Variants in HTR4 observed in about 807,000 individuals in gnomAD.
HTR4 encodes the protein 5-hydroxytryptamine receptor 4, also known as 5-hydroxytryptamine (serotonin) receptor 4, G protein-coupled.
Under a neutral mutation model 36.8 loss-of-function variants are expected in HTR4, and 16 were observed. That is an observed-to-expected ratio of 0.43 (90% CI 0.29 to 0.66). The LOEUF is 0.66. HTR4 is among the 30% of genes least tolerant of loss of function. The pLI is 0.13. For synonymous variants in HTR4, 189 were observed against 185.1 expected (o/e 1.02, Z -0.17); for missense variants, 438 against 490.9 (o/e 0.89, Z 1.02).
At chr5:148,578,596 G>A (rs150433533) in intron 2 of HTR4, among the ~76,000 whole-genome samples, 19 of 152,146 alleles carry the variant, frequency 1.2e-4, no homozygotes, top group Admixed American at 5.9e-4. Context: ...TGAGGCAGAC[G>A]GTATAATCGC....
intron 4 of HTR4, among the ~76,000 whole-genome samples, chr5:148,534,533 G>A (rs151102387): frequency 1.3e-5 from 2 of 152,272 alleles, no homozygotes; most frequent in East Asian, 3.9e-4. Flanking sequence ...GACTCCAGGG[G>A]CAACTGAAAG....
intron 4 of HTR4, among the ~76,000 whole-genome samples, chr5:148,531,412 G>A (rs185095188): frequency 1.3e-5 from 2 of 152,268 alleles, no homozygotes; most frequent in South Asian, 2.1e-4. Context: ...CCCTGTACAA[G>A]CTCTCTTCTC....
At chr5:148,495,408 A>G (rs1756640741) in intron 6 of HTR4, among the ~76,000 whole-genome samples, 1 of 152,202 alleles carries the variant, frequency 6.6e-6, no homozygotes, top group Admixed American at 6.5e-5. Flanking sequence ...TTCTGCCCTC[A>G]GTTATCTGAA....
chr5:148,600,669 T>A (rs1182858297), intron 2 of HTR4, among the ~76,000 whole-genome samples: 2 of 151,590 alleles, frequency 1.3e-5, no homozygotes, highest in African/African-American at 4.8e-5. Flanking sequence ...ATTTAACCAG[T>A]GAGGCAAAAG....
At chr5:148,477,715 T>A (rs1755743634), downstream of HTR4, among the ~76,000 whole-genome samples, 1 of 152,338 alleles carries the variant, frequency 6.6e-6, no homozygotes, top group Non-Finnish European at 1.5e-5. Flanking sequence ...CCAAAGCTAC[T>A]GAATTATGAT....
At chr5:148,522,295 A>G (rs538185109) in intron 5 of HTR4, among the ~76,000 whole-genome samples, 5 of 152,266 alleles carry the variant, frequency 3.3e-5, no homozygotes, top group African/African-American at 9.6e-5. Flanking sequence ...TCAGCCTTAT[A>G]GACTCTCCAC....
intron 2 of HTR4, among the ~76,000 whole-genome samples, chr5:148,613,446 T>C (rs964829833): frequency 3.6e-4 from 55 of 152,082 alleles, no homozygotes; most frequent in Non-Finnish European, 7.4e-4. Flanking sequence ...ATTATCTCAA[T>C]AGATGCAGGA....
chr5:148,654,197 G>A lies in HTR4; in HGVS notation c.-183C>T. 1 of 985,346 alleles carries A rather than the reference G, an allele frequency of 1.0e-6. No homozygotes were observed. The highest frequency in any genetic ancestry group is 1.2e-6 in the Non-Finnish European group (1 of 829,904). 61.0% of individuals were successfully genotyped at this position (985,346 alleles called of 1,614,324 possible). On this transcript the variant is annotated 5_prime_UTR_variant, in exon 1 of 7. Coordinates refer to ENST00000377888, the MANE Select transcript of HTR4 (RefSeq NM_000870.7). ...CTGCGCCCTCCCTGCCGCCCCCTCGGGTGCGGGCTCCAGCCCCCGCGCTGG... is the reference window on the plus strand; with the variant it reads ...CTGCGCCCTCCCTGCCGCCCCCTCGAGTGCGGGCTCCAGCCCCCGCGCTGG...
intron 2 of HTR4, among the ~76,000 whole-genome samples, chr5:148,617,560 C>A (rs1752751040): frequency 6.6e-6 from 1 of 151,896 alleles, no homozygotes; most frequent in African/African-American, 2.4e-5. Context: ...CCCCCACCTC[C>A]CAGGTTCAAG....
intron 6 of HTR4, among the ~76,000 whole-genome samples, chr5:148,502,984 G>T (rs1335631083): frequency 1.3e-5 from 2 of 152,156 alleles, no homozygotes; most frequent in African/African-American, 4.8e-5. Flanking sequence ...AAGGAATATG[G>T]GACTATGGGA....
intron 5 of HTR4, among the ~76,000 whole-genome samples, chr5:148,471,153 T>C (rs1027358745): frequency 1.3e-5 from 2 of 152,184 alleles, no homozygotes; most frequent in Admixed American, 1.3e-4. Flanking sequence ...GTGTATGCTG[T>C]TAAAATGTAG....
exon 6 of HTR4, chr5:148,451,065 C>T: frequency 6.5e-7 from 1 of 1,543,968 alleles, no homozygotes; most frequent in Non-Finnish European, 8.8e-7. Flanking sequence ...CCTCTGGGCT[C>T]TCAGCCCCTA....
intron 1 of HTR4, among the ~76,000 whole-genome samples, chr5:148,638,678 C>A (rs1753628819): frequency 6.6e-6 from 1 of 152,138 alleles, no homozygotes; most frequent in Non-Finnish European, 1.5e-5. Flanking sequence ...AATGGCCCAC[C>A]ATTTACCCAG....
chr5:148,532,357 G>T (rs1048026224), intron 4 of HTR4, among the ~76,000 whole-genome samples: 3 of 152,200 alleles, frequency 2.0e-5, no homozygotes, highest in African/African-American at 7.2e-5. Flanking sequence ...TGTTTGCCTT[G>T]TTCTGCTTTG....
intron 2 of HTR4, among the ~76,000 whole-genome samples, chr5:148,552,894 A>T (rs987088211): frequency 6.6e-6 from 1 of 152,210 alleles, no homozygotes; most frequent in African/African-American, 2.4e-5. Context: ...TCAGTGAAAG[A>T]GAGATATATT....
At position 148,511,619 on chromosome 5, in the gene HTR4, T is replaced by TTGTGTGTGTGTGTGTG. The variant is rs529668445; in HGVS notation, c.508-1611_508-1596dup. 1.4e-3 allele frequency among the ~76,000 whole-genome samples: 196 copies of TTGTGTGTGTGTGTGTG among 139,338 alleles called. 2 individuals carry two copies. In the East Asian group the frequency reaches 0.014, roughly 10 times the overall value. The allele number at this position is 139,338 out of a possible 152,430, so 91.4% of individuals were successfully genotyped here. A position where few individuals can be genotyped will look rare whatever the true frequency, so the allele number is the denominator to read the frequency against. On this transcript the variant is annotated intron_variant, in intron 5 of 6. Coordinates refer to ENST00000377888, the MANE Select transcript of HTR4 (RefSeq NM_000870.7). ...CTGTTATGAATATTCTTGTGGAAGT[T>TTGTGTGTGTGTGTGTG]TGTGTGTGTGTGTGTGTGTGTGTGT... is the stretch of plus-strand genomic sequence containing the variant.
chr5:148,556,884 G>T (rs1232491212), intron 2 of HTR4, among the ~76,000 whole-genome samples: 1 of 152,176 alleles, frequency 6.6e-6, no homozygotes, highest in Non-Finnish European at 1.5e-5. Context: ...AAACACTGGA[G>T]GTGACAGTCA....
chr5:148,617,979 C>G (rs1170506534), intron 2 of HTR4, among the ~76,000 whole-genome samples: 3 of 152,202 alleles, frequency 2.0e-5, no homozygotes, highest in African/African-American at 7.2e-5. Context: ...CCCACTGTCT[C>G]TCAGCAATTC....
At chr5:148,576,149 A>C (rs1760908578) in intron 2 of HTR4, among the ~76,000 whole-genome samples, 1 of 149,708 alleles carries the variant, frequency 6.7e-6, no homozygotes, top group Non-Finnish European at 1.5e-5. Context: ...TCAATGTAAA[A>C]AATCATTAAC....
Sources: gnomAD v4.1 joint callset for allele counts (sites outside exome capture counted in the v4.1 genomes callset) on GRCh38, gnomAD v4.1.1 for gene constraint, MANE v1.5 for transcripts, NCBI Gene and HGNC (gene_info 2026-07-23, HGNC 2026-07-21) for gene names.